KCNH8: variants seen among roughly 807,000 people sequenced by gnomAD.
KCNH8 encodes the protein potassium voltage-gated channel subfamily H member 8.
KCNH8 carries 70 observed loss-of-function variants against 103.6 expected under a neutral mutation model. The ratio of observed to expected loss-of-function variants is 0.68; its 90% confidence interval spans 0.56 to 0.82. The LOEUF (loss-of-function observed/expected upper bound fraction) is 0.82, where lower values mean the gene tolerates loss of function less well. Ranked by LOEUF, KCNH8 falls within the 40% of genes least tolerant of loss-of-function variation. KCNH8 has a pLI of 0.00. For missense variants in KCNH8, 1,217 were observed against 1,329.9 expected, an observed-to-expected ratio of 0.92 and a Z score of 1.32; for synonymous variants, 498 against 489.4, an observed-to-expected ratio of 1.02 and a Z score of -0.23.
intron 3 of KCNH8, among the ~76,000 whole-genome samples, chr3:19,336,338 A>G (rs2065584826): frequency 6.6e-6 from 1 of 151,800 alleles, no homozygotes; most frequent in Non-Finnish European, 1.5e-5. Context: ...AATTTAGTAA[A>G]TCAAAATAGA....
In KCNH8 at chr3:19,450,236, A is replaced by G; in HGVS notation, c.1506A>G (p.Gln502=). ...DFIRVHHLPQ[Q]LKQRMLEYFQ... is the part of the protein sequence containing the mutation. ...TCCGTGTCCATCACTTGCCCCAACA[A>G]CTCAAGCAGAGGATGCTCGAATATT... The change falls in exon 9 of 16, where the codon CAA becomes CAG. Residue 502 remains glutamine, a synonymous_variant. Transcript: ENST00000328405. 1 of 1,613,640 alleles carries G rather than the reference A, an allele frequency of 6.2e-7. No individual in the cohort carries two copies. Among genetic ancestry groups the G allele is most frequent in the Non-Finnish European group, 8.5e-7 (1 of 1,179,784 alleles).
At chr3:19,491,852 TAATAA>T (rs531661108) in intron 11 of KCNH8, among the ~76,000 whole-genome samples, 5 of 152,378 alleles carry the variant, frequency 3.3e-5, no homozygotes, top group Admixed American at 3.3e-4. Flanking sequence ...TTTGACTTTT[TAATAA>T]CAGCCATTCT....
At chr3:19,524,900 C>A (rs1159893928) in intron 15 of KCNH8, among the ~76,000 whole-genome samples, 8 of 151,836 alleles carry the variant, frequency 5.3e-5, no homozygotes, top group Admixed American at 5.3e-4. Flanking sequence ...CAGAAGTTCA[C>A]CACAACTCCT....
At chr3:19,315,433 T>C (rs1391290984) in intron 3 of KCNH8, among the ~76,000 whole-genome samples, 1 of 152,014 alleles carries the variant, frequency 6.6e-6, no homozygotes, top group Non-Finnish European at 1.5e-5. Flanking sequence ...CAAGAATTTA[T>C]TTCAATGAAC....
intron 15 of KCNH8, among the ~76,000 whole-genome samples, chr3:19,530,375 T>C (rs2069139225): frequency 6.6e-6 from 1 of 152,170 alleles, no homozygotes; most frequent in Non-Finnish European, 1.5e-5. Flanking sequence ...TTGATCATTA[T>C]ACACTGTATT....
chr3:19,524,220 T>C lies in KCNH8; in HGVS notation c.2619+6146T>C, dbSNP rs2069023229. Among the ~76,000 whole-genome samples, 4 of 151,902 alleles carry C rather than the reference T, an allele frequency of 2.6e-5. No individual in the cohort carries two copies. The South Asian group carries it at 8.3e-4, about 31-fold the overall frequency. ...CACACTGACAGAATTGTCAGGTCAT[T>C]CCAAGATTTGTCTATATAGGCTTTT... On this transcript the variant is annotated intron_variant, in intron 15 of 15. Transcript: ENST00000328405.
At chr3:19,407,887 T>C (rs868569050) in intron 7 of KCNH8, among the ~76,000 whole-genome samples, 8 of 152,098 alleles carry the variant, frequency 5.3e-5, no homozygotes, top group Middle Eastern at 3.2e-3. Context: ...CAGCTCCACA[T>C]GTAGGCACAC....
intron 3 of KCNH8, among the ~76,000 whole-genome samples, chr3:19,328,568 T>G (rs1377309718): frequency 6.6e-6 from 1 of 152,176 alleles, no homozygotes; most frequent in African/African-American, 2.4e-5. Context: ...GGGCCATTTT[T>G]TCTATGAAAG....
At chr3:19,322,338 C>T (rs116111688) in intron 3 of KCNH8, among the ~76,000 whole-genome samples, 7 of 151,970 alleles carry the variant, frequency 4.6e-5, no homozygotes, top group South Asian at 4.2e-4. Flanking sequence ...GGATTTGTTT[C>T]GAAATTTAAA....
intron 1 of KCNH8, among the ~76,000 whole-genome samples, chr3:19,156,966 C>CT (rs765953228): frequency 0.02 from 2,673 of 130,592 alleles, 37 homozygotes; most frequent in African/African-American, 0.051. Flanking sequence ...GTCTATAAAG[C>CT]TTTTTTTTTT....
intron 2 of KCNH8, among the ~76,000 whole-genome samples, chr3:19,280,283 A>G (rs886766477): frequency 1.3e-5 from 2 of 152,032 alleles, no homozygotes; most frequent in Non-Finnish European, 2.9e-5. Context: ...TTCTTCTTCA[A>G]ATATTTTTTG....
chr3:19,253,862 A>C lies in KCNH8; in HGVS notation c.285A>C (p.Gly95=). 6.2e-7 allele frequency: 1 copy of C among 1,613,036 alleles called. No homozygotes were observed. The highest frequency in any genetic ancestry group is 8.5e-7 in the Non-Finnish European group (1 of 1,179,176). Reference sequence around the variant, plus strand: ...TGGAGGAGAAAACAGAATTCAAAGGAGAAATTATGTTCTACAAGAAAAACG... The same window carrying C: ...TGGAGGAGAAAACAGAATTCAAAGGCGAAATTATGTTCTACAAGAAAAACG... ...KSLEEKTEFK[G]EIMFYKKNGS... is the part of the protein sequence containing the mutation. Residue 95 remains glycine, a synonymous_variant, in exon 2 of 16, where the codon GGA becomes GGC. Transcript: ENST00000328405.
chr3:19,438,174 T>C lies in KCNH8; in HGVS notation c.1188T>C (p.His396=), dbSNP rs767456133. ...TTTCCTCCTTTGCAGGTTGGCTTCA[T>C]GAGTTGGGAAAGAGACTGGAATCTC... The part of the protein sequence containing the change: ...SLLKWEVGWL[H]ELGKRLESPY... The change falls in exon 8 of 16, where the codon CAT becomes CAC. Residue 396 remains histidine, a synonymous_variant. Coordinates refer to ENST00000328405, the MANE Select transcript of KCNH8 (RefSeq NM_144633.3). 1 of 1,613,312 alleles carries C rather than the reference T, an allele frequency of 6.2e-7. No homozygotes were observed. The highest frequency in any genetic ancestry group is 8.5e-7 in the Non-Finnish European group (1 of 1,179,282).
At chr3:19,229,530 C>G (rs940343224) in intron 1 of KCNH8, among the ~76,000 whole-genome samples, 2 of 152,232 alleles carry the variant, frequency 1.3e-5, no homozygotes, top group African/African-American at 4.8e-5. Flanking sequence ...CTCCTTTCAG[C>G]CACTGCTGGA....
intron 3 of KCNH8, among the ~76,000 whole-genome samples, chr3:19,293,421 A>T (rs1020228591): frequency 6.6e-6 from 1 of 152,190 alleles, no homozygotes; most frequent in Admixed American, 6.5e-5. Context: ...TAAAATCCTT[A>T]CTATTCAAAG....
chr3:19,338,726 C>G (rs1553639240), intron 3 of KCNH8, among the ~76,000 whole-genome samples: 1 of 151,980 alleles, frequency 6.6e-6, no homozygotes, highest in Non-Finnish European at 1.5e-5. Context: ...TTTTACATGT[C>G]TGTGAATATT....
chr3:19,345,277 C>G (rs1026273388), intron 4 of KCNH8, among the ~76,000 whole-genome samples: 1 of 151,990 alleles, frequency 6.6e-6, no homozygotes, highest in East Asian at 1.9e-4. Flanking sequence ...CTGGCGGGGA[C>G]AGTGGTGATC....
intron 7 of KCNH8, among the ~76,000 whole-genome samples, chr3:19,429,235 G>A (rs1224178094): frequency 1.4e-5 from 2 of 138,800 alleles, no homozygotes; most frequent in African/African-American, 5.5e-5. Context: ...GTGCAGTGGC[G>A]CGATCTCGGC....
chr3:19,374,434 C>T (rs936635616), intron 5 of KCNH8, among the ~76,000 whole-genome samples: 1 of 151,806 alleles, frequency 6.6e-6, no homozygotes, highest in Non-Finnish European at 1.5e-5. Flanking sequence ...ATTGCAACCC[C>T]TGCCTTTTTT....
Sources: allele counts gnomAD v4.1 joint callset (sites outside exome capture counted in the v4.1 genomes callset), GRCh38; gene constraint gnomAD v4.1.1; transcripts MANE v1.5; gene names NCBI Gene and HGNC (gene_info 2026-07-23, HGNC 2026-07-21).